The following ZKSCAN3 variants were observed in gnomAD, a reference collection of about 807,000 sequenced individuals.
The protein encoded by ZKSCAN3 is zinc finger protein with KRAB and SCAN domains 3.
ZKSCAN3 carries 21 observed loss-of-function variants against 30.7 expected under a neutral mutation model. The ratio of observed to expected loss-of-function variants is 0.68; its 90% CI spans 0.49 to 0.99. The LOEUF is 0.99. Among genes scored for constraint, ZKSCAN3 ranks in the 50% least tolerant of loss-of-function variants. ZKSCAN3 has a pLI of 0.00. For synonymous variants in ZKSCAN3, 201 were observed against 246.7 expected (o/e 0.81, Z 1.73); for missense variants, 507 against 647.1 (o/e 0.78, Z 2.35).
intron 1 of ZKSCAN3, among the ~76,000 whole-genome samples, chr6:28,352,687 C>T (rs1035068731): frequency 2.0e-5 from 3 of 152,178 alleles, no homozygotes; most frequent in Non-Finnish European, 4.4e-5. Context: ...GATCTAAAGA[C>T]TAGATTAGAT....
intron 1 of ZKSCAN3, chr6:28,354,094 C>T: frequency 2.6e-6 from 1 of 380,444 alleles, no homozygotes; most frequent in Non-Finnish European, 5.2e-6. Context: ...ACACTTACAG[C>T]TGTACTCCTT....
At position 28,369,168 on chromosome 6, in the gene ZKSCAN3, C is replaced by T. The variant is rs144075670; in HGVS notation, c.*2883C>T. 246 of 152,078 alleles carry T rather than the reference C, an allele frequency of 1.6e-3. 1 individual carries two copies. Among genetic ancestry groups the T allele is most frequent in the African/African-American group, 5.5e-3 (228 of 41,480 alleles). 9.4% of individuals were successfully genotyped at this position (152,078 alleles called of 1,614,324 possible). ...ATTATAGTAATAAACCATATGGTTA[C>T]TTTGTTTGAGTGGATTCTTAAATTG... On this transcript the variant is annotated 3_prime_UTR_variant, in exon 6 of 6. Coordinates refer to ENST00000252211, the MANE Select transcript of ZKSCAN3 (RefSeq NM_024493.4). This position sits in a 1 kb window ranked among gnomAD's most constrained non-coding sequence, Gnocchi z 4.1.
At chr6:28,355,881 G>A (rs1327702255) in intron 1 of ZKSCAN3, among the ~76,000 whole-genome samples, 1 of 152,168 alleles carries the variant, frequency 6.6e-6, no homozygotes, top group Non-Finnish European at 1.5e-5. Flanking sequence ...CAGTTCTGTT[G>A]TCAAGTGGCC....
chr6:28,367,890 T>TTTG lies in ZKSCAN3; in HGVS notation c.*1607_*1608insGTT, dbSNP rs1766031535. 6.6e-6 allele frequency: 1 copy of TTTG among 151,308 alleles called. No individual in the cohort carries two copies. The highest frequency in any genetic ancestry group is 2.4e-5 in the African/African-American group (1 of 41,156). The allele number at this position is 151,308 out of a possible 1,614,324, so 9.4% of individuals were successfully genotyped here. ...GTCCGCCTCCACGCCGGGCTATTTT[T>TTTG]TTTTTTTATTTTATACTTTAAGTTC... On this transcript the variant is annotated 3_prime_UTR_variant, in exon 6 of 6. Coordinates refer to ENST00000252211, the MANE Select transcript of ZKSCAN3 (RefSeq NM_024493.4).
chr6:28,350,734 C>T (rs1183880572), intron 1 of ZKSCAN3, among the ~76,000 whole-genome samples: 1 of 152,132 alleles, frequency 6.6e-6, no homozygotes, highest in Non-Finnish European at 1.5e-5. Context: ...TGTCATTCAT[C>T]AATTCACTTT....
chr6:28,355,042 A>G (rs769768359), intron 1 of ZKSCAN3, among the ~76,000 whole-genome samples: 1 of 152,216 alleles, frequency 6.6e-6, no homozygotes, highest in East Asian at 1.9e-4. Context: ...CAGTCCAGGT[A>G]GCAGTAGCAC....
At chr6:28,361,540 A>G (rs757939167) in intron 3 of ZKSCAN3, 69 bp downstream of exon 3, 60 of 1,532,834 alleles carry the variant, frequency 3.9e-5, no homozygotes, top group Non-Finnish European at 5.0e-5. Context: ...GATAGCCAAC[A>G]AAATTCATTG....
intron 1 of ZKSCAN3, among the ~76,000 whole-genome samples, chr6:28,350,628 G>A (rs1402887064): frequency 6.6e-6 from 1 of 152,178 alleles, no homozygotes; most frequent in Admixed American, 6.5e-5. Flanking sequence ...GAGTAAGCAT[G>A]ATTTAAAGAT....
chr6:28,362,629 G>A (rs1353791527), intron 3 of ZKSCAN3, among the ~76,000 whole-genome samples: 1 of 152,052 alleles, frequency 6.6e-6, no homozygotes, highest in Non-Finnish European at 1.5e-5. Context: ...TATGCTTCCT[G>A]AAGTTATATA....
At chr6:28,357,596 A>T (rs1765512673) in intron 1 of ZKSCAN3, among the ~76,000 whole-genome samples, 1 of 152,236 alleles carries the variant, frequency 6.6e-6, no homozygotes, top group African/African-American at 2.4e-5. Flanking sequence ...TTCCTTCTGC[A>T]TGCGAAATCT....
chr6:28,363,469 C>G, intron 4 of ZKSCAN3, 84 bp downstream of exon 4: 2 of 1,384,522 alleles, frequency 1.4e-6, no homozygotes, highest in South Asian at 2.5e-5. Context: ...CATTCCCCTC[C>G]ACCCCAATCC....
rs1764999409 is a variant in ZKSCAN3, at chr6:28,351,323, C to T, written c.-63+1256C>T. On this transcript the variant is annotated intron_variant, in intron 1 of 5. Coordinates refer to ENST00000252211, the MANE Select transcript of ZKSCAN3 (RefSeq NM_024493.4). This position sits in a 1 kb window ranked among gnomAD's most constrained non-coding sequence, Gnocchi z 4.6. ...TGTTTTCCTGCCATAGACTTCCTCC[C>T]TTCCCCACCGTGGACACCCTCCTCA... Among the ~76,000 whole-genome samples the T allele has an allele frequency of 6.6e-6, 1 of 152,160 alleles. No individual in the cohort carries two copies. The highest frequency in any genetic ancestry group is 2.4e-5 in the African/African-American group (1 of 41,420).
At chr6:28,360,900 T>G (rs979824348) in intron 2 of ZKSCAN3, among the ~76,000 whole-genome samples, 24 of 152,126 alleles carry the variant, frequency 1.6e-4, no homozygotes, top group African/African-American at 5.8e-4. Flanking sequence ...TGTTAGGTGA[T>G]TTCACGTACT....
chr6:28,363,658 GC>G (rs1185962800), intron 4 of ZKSCAN3, 33 bp from the exon 5 acceptor site: 1 of 1,613,526 alleles, frequency 6.2e-7, no homozygotes, highest in Admixed American at 1.7e-5. Flanking sequence ...ATTTTGGTCA[GC>G]CCCTTCTTCA....
At chr6:28,355,126 A>G (rs1765338452) in intron 1 of ZKSCAN3, among the ~76,000 whole-genome samples, 1 of 152,206 alleles carries the variant, frequency 6.6e-6, no homozygotes, top group African/African-American at 2.4e-5. Context: ...GTGAAGGCTC[A>G]GGATCTAGGG....
At chr6:28,359,161 A>T (rs753082649) in intron 1 of ZKSCAN3, among the ~76,000 whole-genome samples, 43 of 152,174 alleles carry the variant, frequency 2.8e-4, no homozygotes, top group Middle Eastern at 3.2e-3. Context: ...GGATTAGGGC[A>T]GGAAATCATT....
intron 1 of ZKSCAN3, among the ~76,000 whole-genome samples, chr6:28,358,810 G>T (rs916817547): frequency 1.3e-5 from 2 of 151,096 alleles, no homozygotes; most frequent in African/African-American, 4.9e-5. Flanking sequence ...TTTGAACATG[G>T]GAGGTGGAGG....
intron 1 of ZKSCAN3, among the ~76,000 whole-genome samples, chr6:28,359,128 C>G (rs1765621332): frequency 6.6e-6 from 1 of 151,982 alleles, no homozygotes; most frequent in South Asian, 2.1e-4. Context: ...TCTGGACTTG[C>G]TATCTCATAT....
At position 28,363,372 on chromosome 6, in the gene ZKSCAN3, C is replaced by A; in HGVS notation, c.620C>A (p.Thr207Asn). The A allele has an allele frequency of 1.2e-6, 2 of 1,613,994 alleles. No individual in the cohort carries two copies. Among genetic ancestry groups the A allele is most frequent in the Non-Finnish European group, 8.5e-7 (1 of 1,179,924 alleles). The change falls in exon 4 of 6, where the codon ACT (threonine) becomes AAT (asparagine). Residue 207 changes from threonine (T) to asparagine (N), a missense_variant. Thr to Asn is a moderately conservative substitution (Grantham distance 65). Coordinates refer to ENST00000252211, the MANE Select transcript of ZKSCAN3 (RefSeq NM_024493.4). ...GATAAAGTGGTAGCTTCTAGGCTTA[C>A]TCCAGAGTCCCAGGTGAGCTGGAGC... ...REDKVVASRL[T>N]PESQGLLKVE... is the part of the protein sequence containing the mutation.
Sources: gnomAD v4.1 joint callset for allele counts (sites outside exome capture counted in the v4.1 genomes callset) on GRCh38, gnomAD v4.1.1 for gene constraint, Gnocchi (gnomAD v3.1) non-coding constraint, MANE v1.5 for transcripts, NCBI Gene and HGNC (gene_info 2026-07-23, HGNC 2026-07-21) for gene names.